CFTR: variants seen among roughly 807,000 people sequenced by gnomAD.
The protein encoded by CFTR is cystic fibrosis transmembrane conductance regulator.
A neutral mutation model predicts 171.6 loss-of-function variants in CFTR; 181 were observed. The observed-to-expected ratio is 1.05, with a 90% CI of 0.93 to 1.19. The LOEUF is 1.19. Among genes scored for constraint, CFTR ranks in the 50% most tolerant of loss-of-function variants. CFTR has a pLI of 0.00. For missense variants in CFTR, 1,968 were observed against 1,734.7 expected, an observed-to-expected ratio of 1.13 and a Z score of -2.39; for synonymous variants, 583 against 608.0, an observed-to-expected ratio of 0.96 and a Z score of 0.60.
chr7:117,528,378 A>G (rs202147215), intron 3 of CFTR, among the ~76,000 whole-genome samples: 807 of 89,302 alleles, frequency 9.0e-3, no homozygotes, highest in African/African-American at 0.024. Context: ...GATGGATTAA[A>G]GATTTAAACG....
At chr7:117,641,873 C>A (rs550593469) in intron 22 of CFTR, among the ~76,000 whole-genome samples, 1 of 152,340 alleles carries the variant, frequency 6.6e-6, no homozygotes, top group Non-Finnish European at 1.5e-5. Context: ...CCAAAGTACT[C>A]ATTCACTGAG....
intron 2 of CFTR, 34 bp from the exon 3 acceptor site, chr7:117,509,000 C>A: frequency 7.9e-7 from 1 of 1,271,648 alleles, no homozygotes. Context: ...TTTGCACATG[C>A]AACTTATTGG....
At position 117,613,998 on chromosome 7, in the gene CFTR, T is replaced by TG. The variant is rs1562915815; in HGVS notation, c.3368-615_3368-614insG. Among the ~76,000 whole-genome samples the TG allele has an allele frequency of 4.5e-4, 61 of 136,570 alleles. 1 individual carries two copies. Among genetic ancestry groups the TG allele is most frequent in the African/African-American group, 1.6e-3 (57 of 34,616 alleles). The allele number at this position is 136,570 out of a possible 152,430, so 89.6% of individuals were successfully genotyped here. On this transcript the variant is annotated intron_variant, in intron 20 of 26. Transcript: ENST00000003084. ...GTGTTGTTCTTCCCAGGTACAGTAA[T>TG]CTTTTTTTTTTTTTTTTTTTTTTTT...
intron 11 of CFTR, among the ~76,000 whole-genome samples, chr7:117,566,624 C>A (rs1354840629): frequency 6.6e-6 from 1 of 151,150 alleles, no homozygotes; most frequent in Non-Finnish European, 1.5e-5. Flanking sequence ...ACTATTGAAC[C>A]AGAACCAAAC....
intron 21 of CFTR, among the ~76,000 whole-genome samples, chr7:117,626,088 G>A (rs1792645008): frequency 6.6e-6 from 1 of 151,992 alleles, no homozygotes; most frequent in South Asian, 2.1e-4. Flanking sequence ...AATAATTGCT[G>A]AAGACAATTT....
chr7:117,545,067 G>T (rs932098316), intron 9 of CFTR, among the ~76,000 whole-genome samples: 8 of 152,222 alleles, frequency 5.3e-5, no homozygotes, highest in African/African-American at 1.7e-4. Flanking sequence ...GAAGAAAGGG[G>T]TTTGAGGGAC....
intron 11 of CFTR, among the ~76,000 whole-genome samples, chr7:117,564,121 A>G (rs1307462941): frequency 1.3e-5 from 2 of 152,222 alleles, no homozygotes; most frequent in Non-Finnish European, 2.9e-5. Flanking sequence ...CACGTAGCAC[A>G]TTGAGAGAGT....
intron 24 of CFTR, among the ~76,000 whole-genome samples, chr7:117,660,488 G>A (rs1309132713): frequency 6.6e-6 from 1 of 151,918 alleles, no homozygotes; most frequent in African/African-American, 2.4e-5. Flanking sequence ...AAAATTAGCT[G>A]GGCATGGTGG....
intron 14 of CFTR, among the ~76,000 whole-genome samples, chr7:117,593,760 TA>T (rs199939110): frequency 0.015 from 2,332 of 152,238 alleles, 48 homozygotes; most frequent in Non-Finnish European, 0.016. Flanking sequence ...CATGCCGAGC[TA>T]ATTTTTGTAT....
intron 3 of CFTR, among the ~76,000 whole-genome samples, chr7:117,517,099 G>GGAGA (rs1350606678): frequency 6.6e-6 from 1 of 152,090 alleles, no homozygotes; most frequent in African/African-American, 2.4e-5. Flanking sequence ...GCAACTTACG[G>GGAGA]AATGGGAGAA....
At chr7:117,543,340 T>C (rs143154069) in intron 9 of CFTR, among the ~76,000 whole-genome samples, 316 of 152,328 alleles carry the variant, frequency 2.1e-3, no homozygotes, top group African/African-American at 7.2e-3. Flanking sequence ...ACTTTGATTT[T>C]AGGAATTTCA....
intron 5 of CFTR, 29 bp downstream of exon 5, chr7:117,534,394 G>C: frequency 8.5e-7 from 1 of 1,181,744 alleles, no homozygotes; most frequent in Non-Finnish European, 1.3e-6. Flanking sequence ...AATCTTTTAG[G>C]CACTATTGTT....
intron 11 of CFTR, among the ~76,000 whole-genome samples, chr7:117,566,601 A>AG (rs967205668): frequency 9.3e-6 from 1 of 107,416 alleles, no homozygotes; most frequent in African/African-American, 3.3e-5. Flanking sequence ...CAATAACTTA[A>AG]AAAAAAAAAA....
intron 11 of CFTR, among the ~76,000 whole-genome samples, chr7:117,580,363 A>G (rs928810391): frequency 4.6e-5 from 7 of 152,070 alleles, no homozygotes; most frequent in African/African-American, 7.2e-5. Flanking sequence ...TTGAGGTGTG[A>G]TTATATTAAT....
At chr7:117,666,790 AGGCTCT>A in intron 26 of CFTR, 112 bp from the exon 27 acceptor site, 1 of 849,676 alleles carries the variant, frequency 1.2e-6, no homozygotes. Context: ...TCAAAATGCA[AGGCTCT>A]GGACATTGCA....
intron 6 of CFTR, among the ~76,000 whole-genome samples, chr7:117,536,154 A>G (rs1798951603): frequency 6.6e-6 from 1 of 152,204 alleles, no homozygotes. Flanking sequence ...TGAGTTTGTC[A>G]GCTAGAGTAT....
At chr7:117,486,298 G>C (rs1798073494) in intron 1 of CFTR, among the ~76,000 whole-genome samples, 1 of 152,146 alleles carries the variant, frequency 6.6e-6, no homozygotes, top group Non-Finnish European at 1.5e-5. Context: ...TGGGTAACCT[G>C]GAAGATGACC....
intron 11 of CFTR, among the ~76,000 whole-genome samples, chr7:117,584,986 C>A (rs1791908789): frequency 6.7e-6 from 1 of 150,336 alleles, no homozygotes; most frequent in African/African-American, 2.4e-5. Context: ...GGATTGAGTT[C>A]TTGATTTGAT....
rs10232910 is a variant in CFTR at position 117,545,825 on chromosome 7, T to G, written c.1210-2816T>G. Among the ~76,000 whole-genome samples, 1,310 of 151,960 alleles carry G rather than the reference T, an allele frequency of 8.6e-3. 11 individuals are homozygous for G. Among genetic ancestry groups the G allele is most frequent in the African/African-American group, 0.03 (1,227 of 41,450 alleles). On this transcript the variant is annotated intron_variant, in intron 9 of 26. Coordinates refer to ENST00000003084, the MANE Select transcript of CFTR (RefSeq NM_000492.4). ...TTTTTTTTTTAATCACATATATGAT[T>G]TTTTTTTCTTTAAGAGATAGAATCT...
Sources: allele counts gnomAD v4.1 joint callset (sites outside exome capture counted in the v4.1 genomes callset), GRCh38; gene constraint gnomAD v4.1.1; transcripts MANE v1.5; gene names NCBI Gene and HGNC (gene_info 2026-07-23, HGNC 2026-07-21).